GRIN3A: variants seen among roughly 807,000 people sequenced by gnomAD.
The protein encoded by GRIN3A is glutamate receptor ionotropic, NMDA 3A.
A neutral mutation model predicts 92.4 loss-of-function variants in GRIN3A; 47 were observed. That is an observed-to-expected ratio of 0.51 (90% CI 0.40 to 0.65). GRIN3A has a LOEUF of 0.65. Ranked by LOEUF, GRIN3A falls within the 30% of genes least tolerant of loss-of-function variation. The probability of loss-of-function intolerance (pLI) is 0.00; values close to 1 mark genes in which losing one functional copy is unlikely to be tolerated. For synonymous variants in GRIN3A, 527 were observed against 540.6 expected (o/e 0.97, Z 0.35); for missense variants, 1,324 against 1,393.1 (o/e 0.95, Z 0.79).
chr9:101,676,421 A>G (rs1829395867), intron 2 of GRIN3A, among the ~76,000 whole-genome samples: 1 of 151,930 alleles, frequency 6.6e-6, no homozygotes, highest in African/African-American at 2.4e-5. Context: ...TCTTTGTATC[A>G]TTAAACATAT....
intron 2 of GRIN3A, among the ~76,000 whole-genome samples, chr9:101,681,592 C>T (rs1829466199): frequency 6.6e-6 from 1 of 152,228 alleles, no homozygotes; most frequent in Non-Finnish European, 1.5e-5. Flanking sequence ...AAACCTAAAA[C>T]CCCTTTTCAT....
chr9:101,720,966 C>A (rs1280862565), intron 1 of GRIN3A, among the ~76,000 whole-genome samples: 1 of 152,182 alleles, frequency 6.6e-6, no homozygotes, highest in East Asian at 1.9e-4. Context: ...ACCTATGTAA[C>A]AAACCTGCGT....
intron 1 of GRIN3A, among the ~76,000 whole-genome samples, chr9:101,698,222 G>C (rs1246924987): frequency 2.6e-5 from 4 of 152,110 alleles, no homozygotes; most frequent in Non-Finnish European, 4.4e-5. Context: ...GCCTGAAATT[G>C]TTTGCTATTT....
intron 5 of GRIN3A, among the ~76,000 whole-genome samples, chr9:101,622,633 C>G (rs1828573368): frequency 6.6e-6 from 1 of 152,132 alleles, no homozygotes; most frequent in Admixed American, 6.5e-5. Flanking sequence ...GGGCATTAAA[C>G]TATAGAATGA....
chr9:101,660,024 A>G (rs1164953061), intron 3 of GRIN3A, among the ~76,000 whole-genome samples: 2 of 151,822 alleles, frequency 1.3e-5, no homozygotes. Flanking sequence ...GGGAAAGAAT[A>G]TACCATTCCC....
intron 6 of GRIN3A, among the ~76,000 whole-genome samples, chr9:101,586,205 T>G (rs1827948318): frequency 6.6e-6 from 1 of 152,186 alleles, no homozygotes; most frequent in South Asian, 2.1e-4. Context: ...CTCTCTTACT[T>G]TGCTTTATTT....
rs1430725180 is a variant in GRIN3A, at chr9:101,577,759, C to T, written c.3008+9G>A. ...AATATAAAGACAGTTGCCATTGGCC[C>T]CTTCTTACCTCTTTTCCACACGTTT... On this transcript the variant is annotated intron_variant, in intron 8 of 8. Coordinates refer to ENST00000361820, the MANE Select transcript of GRIN3A (RefSeq NM_133445.3). 3.8e-6 allele frequency: 6 copies of T among 1,599,420 alleles called. No individual in the cohort carries two copies. The highest frequency in any genetic ancestry group is 1.1e-5 in the South Asian group (1 of 90,800).
intron 6 of GRIN3A, among the ~76,000 whole-genome samples, chr9:101,583,439 T>A (rs1827914428): frequency 6.6e-6 from 1 of 152,172 alleles, no homozygotes; most frequent in African/African-American, 2.4e-5. Context: ...TAGGATCACA[T>A]TGTTTAAATG....
chr9:101,661,695 A>T (rs1276347557), intron 3 of GRIN3A, among the ~76,000 whole-genome samples: 1 of 151,808 alleles, frequency 6.6e-6, no homozygotes, highest in Admixed American at 6.6e-5. Flanking sequence ...GTTGTTGTCC[A>T]CATACTATAT....
intron 1 of GRIN3A, among the ~76,000 whole-genome samples, chr9:101,712,795 A>C (rs1001024354): frequency 6.6e-6 from 1 of 152,234 alleles, no homozygotes; most frequent in South Asian, 2.1e-4. Flanking sequence ...CAATGATATA[A>C]CTAATATTCC....
intron 3 of GRIN3A, among the ~76,000 whole-genome samples, chr9:101,665,824 A>G (rs1829230484): frequency 6.6e-6 from 1 of 151,992 alleles, no homozygotes; most frequent in Admixed American, 6.6e-5. Flanking sequence ...ACATAAACCT[A>G]TTACTTTCAA....
At chr9:101,727,248 T>C (rs1830091391) in intron 1 of GRIN3A, among the ~76,000 whole-genome samples, 1 of 152,218 alleles carries the variant, frequency 6.6e-6, no homozygotes, top group Non-Finnish European at 1.5e-5. Context: ...ATATTTGCGA[T>C]ATGAGAAGCG....
intron 3 of GRIN3A, among the ~76,000 whole-genome samples, chr9:101,662,477 G>A (rs963809232): frequency 2.0e-5 from 3 of 151,674 alleles, no homozygotes; most frequent in African/African-American, 7.3e-5. Flanking sequence ...ATTTAAAATA[G>A]TGCTCGGCAT....
chr9:101,571,432 G>A lies in GRIN3A; in HGVS notation c.*1742C>T, dbSNP rs1336599599. The A allele has an allele frequency of 1.3e-5, 2 of 152,166 alleles. No homozygotes were observed. The highest frequency in any genetic ancestry group is 2.9e-5 in the Non-Finnish European group (2 of 68,042). 9.4% of individuals were successfully genotyped at this position (152,166 alleles called of 1,614,324 possible). A position where few individuals can be genotyped will look rare whatever the true frequency, so the allele number is the denominator to read the frequency against. On this transcript the variant is annotated 3_prime_UTR_variant, in exon 9 of 9. Transcript: ENST00000361820. The stretch of plus-strand genomic sequence containing the variant: ...TTTGTGACTGAGACACCTTTCCAGT[G>A]ATCTCCAGCTGTAAAAGAGGAAAGT...
chr9:101,628,348 A>C lies in GRIN3A; in HGVS notation c.2406T>G (p.Ala802=), dbSNP rs1158963853. The part of the protein sequence containing the change: ...FRFGTVRESS[A]EDYVRQSFPE... ...GGAAACTTTGTCTCACATAATCTTC[A>C]GCACTGCTTTCTCGGACAGTTCCAA... Residue 802 remains alanine (A), a synonymous_variant, in exon 4 of 9, where the codon GCT becomes GCG. Coordinates refer to ENST00000361820, the MANE Select transcript of GRIN3A (RefSeq NM_133445.3). 6.2e-7 allele frequency: 1 copy of C among 1,613,982 alleles called. No individual in the cohort carries two copies. The highest frequency in any genetic ancestry group is 1.1e-5 in the South Asian group (1 of 91,084).
At position 101,651,822 on chromosome 9, in the gene GRIN3A, A is replaced by C. The variant is rs73660021; in HGVS notation, c.2352+18238T>G. 5.0e-3 allele frequency among the ~76,000 whole-genome samples: 763 copies of C among 152,130 alleles called. 5 individuals carry two copies. The highest frequency in any genetic ancestry group is 0.017 in the African/African-American group (701 of 41,552). ...AATGGCAATAGGCTTTATTTTAAAG[A>C]TATATATCAAAGCATAAATCCTGAA... On this transcript the variant is annotated intron_variant, in intron 3 of 8. Transcript: ENST00000361820.
chr9:101,720,999 G>A (rs1830005740), intron 1 of GRIN3A, among the ~76,000 whole-genome samples: 1 of 152,246 alleles, frequency 6.6e-6, no homozygotes. Flanking sequence ...ACTTAAAATA[G>A]AAGTAAAACA....
intron 6 of GRIN3A, among the ~76,000 whole-genome samples, chr9:101,601,927 C>T (rs997795507): frequency 6.6e-6 from 1 of 152,150 alleles, no homozygotes; most frequent in Admixed American, 6.5e-5. Flanking sequence ...ATTAGGACCT[C>T]AGAACCTCAA....
At chr9:101,636,501 A>T (rs1828787748) in intron 3 of GRIN3A, among the ~76,000 whole-genome samples, 1 of 152,200 alleles carries the variant, frequency 6.6e-6, no homozygotes, top group South Asian at 2.1e-4. Context: ...GCTCAAGGCC[A>T]CAAAACTGGA....
Sources: gnomAD v4.1 joint callset for allele counts (sites outside exome capture counted in the v4.1 genomes callset) on GRCh38, gnomAD v4.1.1 for gene constraint, MANE v1.5 for transcripts, NCBI Gene and HGNC (gene_info 2026-07-23, HGNC 2026-07-21) for gene names.